Variants in SRGAP2 observed in about 807,000 individuals in gnomAD.
The protein encoded by SRGAP2 is SLIT-ROBO Rho GTPase activating protein 2, also known as SLIT-ROBO Rho GTPase-activating protein 2.
A neutral mutation model predicts 57.2 loss-of-function variants in SRGAP2; 15 were observed. The observed-to-expected ratio is 0.26, with a 90% CI of 0.18 to 0.40. The LOEUF is 0.40. Among genes scored for constraint, SRGAP2 ranks in the 10% least tolerant of loss-of-function variants. The pLI is 1.00. For synonymous variants in SRGAP2, 249 were observed against 248.0 expected (o/e 1.00, Z -0.04); for missense variants, 520 against 669.6 (o/e 0.78, Z 2.47).
intron 11 of SRGAP2, among the ~76,000 whole-genome samples, chr1:206,417,177 C>T (rs1258918618): frequency 2.2e-5 from 3 of 134,536 alleles, no homozygotes; most frequent in African/African-American, 8.5e-5. Flanking sequence ...CATCTCGGCT[C>T]ACTGCCAACT....
At chr1:206,226,523 T>C (rs1428981393) in intron 2 of SRGAP2, among the ~76,000 whole-genome samples, 5 of 152,118 alleles carry the variant, frequency 3.3e-5, no homozygotes, top group African/African-American at 4.8e-5. Context: ...CCTGGGTAAG[T>C]CTCTAACCTC....
At chr1:206,417,368 T>C (rs2103226000) in intron 11 of SRGAP2, among the ~76,000 whole-genome samples, 2 of 150,218 alleles carry the variant, frequency 1.3e-5, no homozygotes, top group South Asian at 4.2e-4. Context: ...CTTCCCAAAG[T>C]GCTGGGATTA....
intron 1 of SRGAP2, chr1:206,204,918 C>CCCA (rs1286497011): frequency 7.1e-6 from 1 of 141,024 alleles, no homozygotes; most frequent in African/African-American, 2.9e-5. Context: ...CCCCCCCCCC[C>CCCA]ATCAACATTT....
chr1:206,437,394 T>C (rs1661863241), intron 15 of SRGAP2, among the ~76,000 whole-genome samples: 1 of 152,370 alleles, frequency 6.6e-6, no homozygotes, highest in South Asian at 2.1e-4. Context: ...AGCCCATTTA[T>C]TATTTTGTGG....
At chr1:206,386,730 C>T (rs1301921596) in intron 5 of SRGAP2, among the ~76,000 whole-genome samples, 2 of 138,520 alleles carry the variant, frequency 1.4e-5, no homozygotes, top group African/African-American at 5.5e-5. Flanking sequence ...ACCTGGGAGG[C>T]AGAGCTTGCA....
intron 3 of SRGAP2, among the ~76,000 whole-genome samples, chr1:206,322,909 A>G (rs1295844864): frequency 2.1e-5 from 3 of 145,078 alleles, no homozygotes; most frequent in Non-Finnish European, 3.0e-5. Context: ...GGAGAAGCTG[A>G]AAGGCTAGGG....
At chr1:206,216,687 C>T (rs1553303422) in intron 2 of SRGAP2, among the ~76,000 whole-genome samples, 1 of 148,184 alleles carries the variant, frequency 6.7e-6, no homozygotes, top group African/African-American at 2.5e-5. Flanking sequence ...TGGTTCTGAA[C>T]TTGAAATATG....
chr1:206,414,983 G>A (rs1553361007), intron 10 of SRGAP2, among the ~76,000 whole-genome samples: 1 of 152,172 alleles, frequency 6.6e-6, no homozygotes, highest in Non-Finnish European at 1.5e-5. Context: ...AAGAGCACAT[G>A]CTGTATTGTC....
intron 2 of SRGAP2, chr1:206,214,510 T>C (rs1165695657): frequency 2.0e-5 from 3 of 149,158 alleles, no homozygotes; most frequent in African/African-American, 7.7e-5. Context: ...TGCCCCTTTT[T>C]CGCTGCGCAG....
At chr1:206,369,222 A>G (rs1479627096) in intron 4 of SRGAP2, among the ~76,000 whole-genome samples, 1 of 152,254 alleles carries the variant, frequency 6.6e-6, no homozygotes, top group Non-Finnish European at 1.5e-5. Context: ...AATTATAAAA[A>G]CAAACCTGGA....
intron 15 of SRGAP2, 141 bp downstream of exon 15, chr1:206,437,183 C>T: frequency 1.5e-6 from 1 of 655,634 alleles, no homozygotes; most frequent in South Asian, 1.7e-5. Context: ...CTGTCTTGTA[C>T]ACATTCCCCT....
chr1:206,314,108 T>TG (rs1413323390), intron 3 of SRGAP2, among the ~76,000 whole-genome samples: 1 of 139,492 alleles, frequency 7.2e-6, no homozygotes, highest in Non-Finnish European at 1.5e-5. Context: ...TTTTTTTGTT[T>TG]TTTTTTTTTT....
intron 2 of SRGAP2, among the ~76,000 whole-genome samples, chr1:206,255,835 C>A (rs1669149872): frequency 6.6e-6 from 1 of 152,012 alleles, no homozygotes; most frequent in Non-Finnish European, 1.5e-5. Context: ...GCTCCCCCAT[C>A]CTCTACTTGG....
Position 206,363,586 on chromosome 1 carries a change from A to T in SRGAP2, c.424-20428A>T, listed in dbSNP as rs536861466. 1.4e-3 allele frequency among the ~76,000 whole-genome samples: 213 copies of T among 151,896 alleles called. 1 individual carries two copies. The highest frequency in any genetic ancestry group is 5.1e-3 in the African/African-American group (211 of 41,414). ...AGGGTTCAGTTTAGGATCACACATG[A>T]TGTCGAGGTGAACTGTCATCTTAGT... is the stretch of plus-strand genomic sequence containing the variant. On this transcript the variant is annotated intron_variant, in intron 4 of 22. Transcript: ENST00000573034.
chr1:206,415,223 A>G (rs1386683730), intron 10 of SRGAP2, among the ~76,000 whole-genome samples: 2 of 152,232 alleles, frequency 1.3e-5, no homozygotes, highest in African/African-American at 4.8e-5. Flanking sequence ...CAGCACAGCA[A>G]TCATATTTTG....
At chr1:206,276,686 G>T (rs1670431570) in intron 2 of SRGAP2, among the ~76,000 whole-genome samples, 1 of 152,084 alleles carries the variant, frequency 6.6e-6, no homozygotes, top group East Asian at 1.9e-4. Flanking sequence ...CCTTTCCGGG[G>T]TTTTCCTTAG....
At chr1:206,203,672 C>G (rs1266446788) in intron 1 of SRGAP2, 22 bp downstream of exon 1, 5 of 714,170 alleles carry the variant, frequency 7.0e-6, no homozygotes, top group Non-Finnish European at 1.2e-5. Flanking sequence ...TTCCCTCTTC[C>G]TTTTCTTCCT....
intron 3 of SRGAP2, among the ~76,000 whole-genome samples, chr1:206,307,656 G>C (rs1672326111): frequency 6.6e-6 from 1 of 152,230 alleles, no homozygotes; most frequent in Admixed American, 6.5e-5. Context: ...GGCCGGCACT[G>C]CTGGGGGACT....
intron 22 of SRGAP2, among the ~76,000 whole-genome samples, chr1:206,460,543 C>G (rs2103423648): frequency 6.6e-6 from 1 of 152,218 alleles, no homozygotes. Flanking sequence ...GGAGGAAGGA[C>G]TAACCCTCTT....
Sources: allele counts gnomAD v4.1 joint callset (sites outside exome capture counted in the v4.1 genomes callset), GRCh38; gene constraint gnomAD v4.1.1; transcripts MANE v1.5; gene names NCBI Gene and HGNC (gene_info 2026-07-23, HGNC 2026-07-21).